The following ZNF831 variants were observed in gnomAD, a reference collection of about 807,000 sequenced individuals.
The protein encoded by ZNF831 is zinc finger protein 831.
ZNF831 carries 59 observed loss-of-function variants against 95.8 expected under a neutral mutation model. That is an observed-to-expected ratio of 0.62 (90% CI 0.50 to 0.77). The LOEUF is 0.77. Among genes scored for constraint, ZNF831 ranks in the 30% least tolerant of loss-of-function variants. The probability of loss-of-function intolerance (pLI) is 0.00; values close to 1 mark genes in which losing one functional copy is unlikely to be tolerated. For missense variants in ZNF831, 2,205 were observed against 2,164.0 expected (o/e 1.02, Z -0.38); for synonymous variants, 961 against 925.5 (o/e 1.04, Z -0.70).
At chr20:59,166,229 G>T (rs1268842193) in intron 1 of ZNF831, among the ~76,000 whole-genome samples, 1 of 152,094 alleles carries the variant, frequency 6.6e-6, no homozygotes, top group Non-Finnish European at 1.5e-5. Flanking sequence ...TTTCTCCAAG[G>T]GTAGGCTGTG....
At chr20:59,144,080 A>C (rs171840) in intron 1 of ZNF831, among the ~76,000 whole-genome samples, 1 of 151,842 alleles carries the variant, frequency 6.6e-6, no homozygotes, top group African/African-American at 2.4e-5. Flanking sequence ...GTTTCTTTCT[A>C]TTTCTTTTTT....
chr20:59,175,138 C>T (rs1335195845), intron 1 of ZNF831, among the ~76,000 whole-genome samples: 5 of 141,248 alleles, frequency 3.5e-5, no homozygotes. Context: ...TTGTTTCTCA[C>T]TTGCTTCTTT....
intron 2 of ZNF831, among the ~76,000 whole-genome samples, chr20:59,156,175 C>G (rs747542890): frequency 2.0e-4 from 31 of 152,212 alleles, no homozygotes; most frequent in Non-Finnish European, 3.8e-4. Flanking sequence ...AAAGTTTCCT[C>G]TCGCCTCCTT....
rs1377015527 is a variant in ZNF831 at position 59,211,998 on chromosome 20, A to G, written c.4027+4942A>G. On this transcript the variant is annotated intron_variant, in intron 4 of 5. Coordinates refer to ENST00000371030, the MANE Select transcript of ZNF831 (RefSeq NM_178457.3). ...GGAGGTGGGTGGGATTTCTCAATTTAAAGGCAGAGAAAAACTTTAGATACT... is the reference window on the plus strand; with the variant it reads ...GGAGGTGGGTGGGATTTCTCAATTTGAAGGCAGAGAAAAACTTTAGATACT... 2.0e-5 allele frequency among the ~76,000 whole-genome samples: 3 copies of G among 151,726 alleles called. No homozygotes were observed. The East Asian group carries it at 5.9e-4, about 30-fold the overall frequency.
rs541844556 is a variant in ZNF831, at chr20:59,178,140, A to G, written c.-36-12844A>G. ...TAGCTGTGAGGGCCATGTGGGGCTG[A>G]GCCTGCTTGAGGGAACCAGGGCTTC... On this transcript the variant is annotated intron_variant, in intron 1 of 5. Transcript: ENST00000371030. Among the ~76,000 whole-genome samples, 4 of 152,316 alleles carry G rather than the reference A, an allele frequency of 2.6e-5. No individual in the cohort carries two copies. The South Asian group carries it at 8.3e-4, about 32-fold the overall frequency.
chr20:59,246,212 C>G (rs1002435740), intron 4 of ZNF831, among the ~76,000 whole-genome samples: 2 of 152,066 alleles, frequency 1.3e-5, no homozygotes, highest in Non-Finnish European at 2.9e-5. Context: ...TCTTCTCTCT[C>G]TGTGCCTTCA....
chr20:59,228,585 T>A (rs1462146402), intron 4 of ZNF831, among the ~76,000 whole-genome samples: 1 of 152,026 alleles, frequency 6.6e-6, no homozygotes, highest in Non-Finnish European at 1.5e-5. Context: ...GTGAAAGAAC[T>A]TTATGTCTTC....
rs1338925020 is a variant in ZNF831 at position 59,257,724 on chromosome 20, G to A, written c.*2981G>A. ...TTTCCCCAGTGCTAATTTTCCCAGT[G>A]TTAATTTTATTATATCTTTAGGTAA... On this transcript the variant is annotated 3_prime_UTR_variant, in exon 6 of 6. Transcript: ENST00000371030. 1 of 152,108 alleles carries A rather than the reference G, an allele frequency of 6.6e-6. No individual in the cohort carries two copies. Among genetic ancestry groups the A allele is most frequent in the Non-Finnish European group, 1.5e-5 (1 of 68,032 alleles). 9.4% of individuals were successfully genotyped at this position (152,108 alleles called of 1,614,324 possible).
At position 59,217,136 on chromosome 20, in the gene ZNF831, G is replaced by A. The variant is rs1985739007; in HGVS notation, c.4027+10080G>A. ...CAGGTAAAATGACAGTTTGGAGTCT[G>A]GAGTACATCTGACAGATCTTCATCT... On this transcript the variant is annotated intron_variant, in intron 4 of 5. Coordinates refer to ENST00000371030, the MANE Select transcript of ZNF831 (RefSeq NM_178457.3). The surrounding 1 kb of genome is among the most constrained non-coding windows in gnomAD (Gnocchi z 4.4). 6.6e-6 allele frequency among the ~76,000 whole-genome samples: 1 copy of A among 150,798 alleles called. No individual in the cohort carries two copies. Among genetic ancestry groups the A allele is most frequent in the Non-Finnish European group, 1.5e-5 (1 of 67,974 alleles).
At chr20:59,234,559 T>C (rs915568458) in intron 4 of ZNF831, among the ~76,000 whole-genome samples, 1 of 152,222 alleles carries the variant, frequency 6.6e-6, no homozygotes, top group African/African-American at 2.4e-5. Flanking sequence ...GGTAACATCC[T>C]AGAGGAAGAG....
rs1020364166 is a variant in ZNF831, at chr20:59,169,218, T to C, written c.-37+5011T>C. The stretch of plus-strand genomic sequence containing the variant: ...AAAATTGCAAATTCAATCTGATAAA[T>C]AGTTATAGTGTGATTCTCATGTGAT... On this transcript the variant is annotated intron_variant, in intron 1 of 5. Transcript: ENST00000371030. The surrounding 1 kb of genome is among the most constrained non-coding windows in gnomAD (Gnocchi z 4.1). Among the ~76,000 whole-genome samples, 24 of 152,214 alleles carry C rather than the reference T, an allele frequency of 1.6e-4. No individual in the cohort carries two copies. Among genetic ancestry groups the C allele is most frequent in the African/African-American group, 5.5e-4 (23 of 41,448 alleles).
intron 1 of ZNF831, among the ~76,000 whole-genome samples, chr20:59,179,745 C>T (rs1982459489): frequency 6.6e-6 from 1 of 152,166 alleles, no homozygotes; most frequent in South Asian, 2.1e-4. Flanking sequence ...AGGGACCCCA[C>T]TAAATCCAGT....
chr20:59,198,875 C>T (rs1392794529), intron 3 of ZNF831, among the ~76,000 whole-genome samples: 1 of 152,170 alleles, frequency 6.6e-6, no homozygotes, highest in Non-Finnish European at 1.5e-5. Context: ...CACTCCTCCT[C>T]TTGCTCCTCA....
intron 4 of ZNF831, among the ~76,000 whole-genome samples, chr20:59,224,691 G>A (rs1192451052): frequency 6.6e-6 from 1 of 152,234 alleles, no homozygotes; most frequent in Non-Finnish European, 1.5e-5. Flanking sequence ...GTTGAACAGA[G>A]AAGGTTTAAT....
intron 1 of ZNF831, among the ~76,000 whole-genome samples, chr20:59,171,715 A>G (rs553954557): frequency 1.4e-3 from 213 of 152,354 alleles, no homozygotes; most frequent in African/African-American, 5.0e-3. Flanking sequence ...TAGTAAAGAT[A>G]AAATAAAACT....
At chr20:59,125,383 C>T (rs1979140121) in intron 1 of ZNF831, among the ~76,000 whole-genome samples, 1 of 152,206 alleles carries the variant, frequency 6.6e-6, no homozygotes, top group Non-Finnish European at 1.5e-5. Flanking sequence ...CCCTGCTCCT[C>T]CAAGTGGCCC....
intron 3 of ZNF831, among the ~76,000 whole-genome samples, chr20:59,201,126 A>G (rs1029571780): frequency 6.6e-6 from 1 of 152,214 alleles, no homozygotes; most frequent in African/African-American, 2.4e-5. Context: ...CCATTTCTCT[A>G]CATTATTGCC....
intron 1 of ZNF831, among the ~76,000 whole-genome samples, chr20:59,124,732 C>T (rs971563257): frequency 3.9e-5 from 6 of 152,194 alleles, no homozygotes; most frequent in African/African-American, 1.4e-4. Flanking sequence ...AGATCTCTCT[C>T]GTGTAAGGGG....
At chr20:59,229,658 C>G (rs1986622222) in intron 4 of ZNF831, among the ~76,000 whole-genome samples, 1 of 152,142 alleles carries the variant, frequency 6.6e-6, no homozygotes, top group African/African-American at 2.4e-5. Context: ...TATAGGTGGT[C>G]TGGTTACTAT....
Sources: allele counts gnomAD v4.1 joint callset (sites outside exome capture counted in the v4.1 genomes callset), GRCh38; gene constraint gnomAD v4.1.1; non-coding constraint Gnocchi (gnomAD v3.1); transcripts MANE v1.5; gene names NCBI Gene and HGNC (gene_info 2026-07-23, HGNC 2026-07-21).